Variants in RHOBTB3 observed in about 807,000 individuals in gnomAD.
RHOBTB3 encodes rho-related BTB domain-containing protein 3.
RHOBTB3 carries 47 observed loss-of-function variants against 67.2 expected under a neutral mutation model. That is an observed-to-expected ratio of 0.70 (90% CI 0.55 to 0.89). RHOBTB3 has a LOEUF of 0.89. Ranked by LOEUF, RHOBTB3 falls within the 40% of genes least tolerant of loss-of-function variation. The pLI, the probability that RHOBTB3 is intolerant of heterozygous loss-of-function variation, is 0.00. For synonymous variants in RHOBTB3, 273 were observed against 274.2 expected, an observed-to-expected ratio of 1.00 and a Z score of 0.04; for missense variants, 631 against 750.0, an observed-to-expected ratio of 0.84 and a Z score of 1.85.
intron 11 of RHOBTB3, 78 bp from the exon 12 acceptor site, chr5:95,792,981 G>C: frequency 2.1e-6 from 2 of 968,290 alleles, no homozygotes; most frequent in Non-Finnish European, 3.2e-6. Flanking sequence ...ATCTATTAAA[G>C]AGGAAATCAA....
chr5:95,773,986 A>G (rs1184590695), intron 8 of RHOBTB3, among the ~76,000 whole-genome samples: 2 of 152,254 alleles, frequency 1.3e-5, no homozygotes, highest in Non-Finnish European at 1.5e-5. Context: ...CTCCTTGAAT[A>G]GCAAATAGTT....
At chr5:95,783,752 A>G (rs768242417) in intron 9 of RHOBTB3, 45 bp from the exon 10 acceptor site, 10 of 1,549,550 alleles carry the variant, frequency 6.5e-6, no homozygotes, top group Non-Finnish European at 8.8e-6. Flanking sequence ...TCATTAAAGA[A>G]ATGGTTTCAT....
chr5:95,788,992 G>C, intron 11 of RHOBTB3, 134 bp downstream of exon 11: 1 of 582,452 alleles, frequency 1.7e-6, no homozygotes. Flanking sequence ...AAATTATGCA[G>C]TGTGGTAATT....
intron 2 of RHOBTB3, among the ~76,000 whole-genome samples, chr5:95,735,405 G>T (rs1450793194): frequency 1.3e-5 from 2 of 152,082 alleles, no homozygotes; most frequent in Non-Finnish European, 2.9e-5. Flanking sequence ...AGGGTATGGG[G>T]AACTGGGGGA....
chr5:95,773,457 G>A (rs55945150), intron 8 of RHOBTB3, among the ~76,000 whole-genome samples: 5,060 of 152,280 alleles, frequency 0.033, 119 homozygotes, highest in South Asian at 0.1. Context: ...GTTGGGGAGG[G>A]GAGCTGTAGG....
intron 8 of RHOBTB3, among the ~76,000 whole-genome samples, chr5:95,772,541 C>G (rs1561452405): frequency 6.6e-6 from 1 of 152,072 alleles, no homozygotes; most frequent in Non-Finnish European, 1.5e-5. Flanking sequence ...TCCCAAACCC[C>G]TCAGTCATCC....
rs1160801880 is a variant in RHOBTB3, at chr5:95,788,832, A to G, written c.1694A>G (p.Gln565Arg). ...FIATNYLIFSQKPEFQDLSVE... is the reference protein window; with the variant it reads ...FIATNYLIFSRKPEFQDLSVE... ...GCTACTAACTACCTCATCTTCAGTCAAAAGCCTGAATTTCAGGATCTTTCA... is the reference window on the plus strand; with the variant it reads ...GCTACTAACTACCTCATCTTCAGTCGAAAGCCTGAATTTCAGGATCTTTCA... Residue 565 changes from glutamine (Q) to arginine (R), a missense_variant, in exon 11 of 12, where the codon CAA (glutamine) becomes CGA (arginine). Transcript: ENST00000379982. The G allele has an allele frequency of 1.9e-6, 3 of 1,565,054 alleles. No individual in the cohort carries two copies. The highest frequency in any genetic ancestry group is 2.6e-6 in the Non-Finnish European group (3 of 1,162,986).
chr5:95,767,672 A>G, intron 7 of RHOBTB3: 1 of 595,390 alleles, frequency 1.7e-6, no homozygotes, highest in Non-Finnish European at 3.0e-6. Context: ...GGACTGTCTT[A>G]ATGAACAAAT....
intron 2 of RHOBTB3, among the ~76,000 whole-genome samples, chr5:95,733,136 C>G (rs1755346564): frequency 6.6e-6 from 1 of 152,146 alleles, no homozygotes. Context: ...ACGAAAAGAT[C>G]ACTCGCTCGT....
intron 8 of RHOBTB3, chr5:95,769,673 AT>A (rs1224987162): frequency 5.9e-6 from 1 of 168,370 alleles, no homozygotes; most frequent in Non-Finnish European, 1.3e-5. Flanking sequence ...ATTTTTGCAT[AT>A]CTTATTAATG....
chr5:95,775,116 A>G (rs1745829975), intron 8 of RHOBTB3, among the ~76,000 whole-genome samples: 1 of 152,126 alleles, frequency 6.6e-6, no homozygotes, highest in Admixed American at 6.5e-5. Flanking sequence ...TGATTTCAGA[A>G]TGGCACAATC....
rs201144175 is a variant in RHOBTB3, at chr5:95,783,912, G to T, written c.1572G>T (p.Arg524Ser). The stretch of plus-strand genomic sequence containing the variant: ...CCCAGCTGCAGAGCATGCCAAGCAG[G>T]GAACTGGCATCCATGAACCTTGATA... The part of the protein sequence containing the change: ...IITQLQSMPS[R>S]ELASMNLDIV... The change falls in exon 10 of 12, where the codon AGG becomes AGT. Residue 524 changes from arginine (R) to serine (S), a missense_variant. Physicochemically the swap from Arg to Ser is moderately radical, Grantham distance 110. Transcript: ENST00000379982. 5.3e-5 allele frequency: 85 copies of T among 1,613,760 alleles called. No individual in the cohort carries two copies. Among genetic ancestry groups the T allele is most frequent in the Non-Finnish European group, 1.9e-5 (23 of 1,179,862 alleles).
At chr5:95,742,809 A>T (rs1248592756) in intron 3 of RHOBTB3, among the ~76,000 whole-genome samples, 1 of 152,260 alleles carries the variant, frequency 6.6e-6, no homozygotes. Context: ...GCAGTGGCTC[A>T]TGCCTGTAAT....
At chr5:95,763,979 T>C (rs188839601) in intron 7 of RHOBTB3, among the ~76,000 whole-genome samples, 25 of 152,134 alleles carry the variant, frequency 1.6e-4, no homozygotes, top group Admixed American at 7.8e-4. Context: ...CTGGCTAATT[T>C]TTAAATTTTT....
chr5:95,765,640 G>A (rs934076696), intron 7 of RHOBTB3, among the ~76,000 whole-genome samples: 4 of 152,172 alleles, frequency 2.6e-5, no homozygotes, highest in East Asian at 1.9e-4. Flanking sequence ...AAGCCTCTGC[G>A]AGCTCTCCAA....
upstream of RHOBTB3, among the ~76,000 whole-genome samples, chr5:95,726,788 C>T (rs1755067369): frequency 1.3e-5 from 2 of 152,168 alleles, no homozygotes; most frequent in East Asian, 3.9e-4. Flanking sequence ...GAAACTGCAA[C>T]ATGTGGCAAT....
At chr5:95,788,900 C>A (rs1328750090) in intron 11 of RHOBTB3, 42 bp downstream of exon 11, 3 of 1,206,530 alleles carry the variant, frequency 2.5e-6, no homozygotes, top group Non-Finnish European at 2.3e-6. Context: ...ACTTTATGTT[C>A]TTTGTTCTTA....
intron 11 of RHOBTB3, chr5:95,789,090 A>G (rs1218541806): frequency 2.5e-6 from 1 of 400,690 alleles, no homozygotes; most frequent in African/African-American, 2.1e-5. Context: ...TTATAGCTCC[A>G]TCCGTTTTTA....
chr5:95,773,781 G>A (rs1422286778), intron 8 of RHOBTB3, among the ~76,000 whole-genome samples: 2 of 152,150 alleles, frequency 1.3e-5, no homozygotes, highest in Admixed American at 6.5e-5. Context: ...GTGACCACCA[G>A]CCCACTGAAT....
Sources: allele counts gnomAD v4.1 joint callset (sites outside exome capture counted in the v4.1 genomes callset), GRCh38; gene constraint gnomAD v4.1.1; transcripts MANE v1.5; gene names NCBI Gene and HGNC (gene_info 2026-07-23, HGNC 2026-07-21).